Variants in KCNQ3 observed in about 807,000 individuals in gnomAD.
The protein encoded by KCNQ3 is potassium voltage-gated channel subfamily Q member 3, also known as potassium voltage-gated channel subfamily KQT member 3.
A neutral mutation model predicts 92.5 loss-of-function variants in KCNQ3; 30 were observed. That is an observed-to-expected ratio of 0.32 (90% CI 0.24 to 0.44). The LOEUF is 0.44. KCNQ3 is among the 20% of genes least tolerant of loss of function. The probability of loss-of-function intolerance (pLI) is 1.00; values close to 1 mark genes in which losing one functional copy is unlikely to be tolerated. For synonymous variants in KCNQ3, 450 were observed against 468.8 expected, an observed-to-expected ratio of 0.96 and a Z score of 0.52; for missense variants, 913 against 1,140.3, an observed-to-expected ratio of 0.80 and a Z score of 2.87.
rs1024413287 is a variant in KCNQ3 at position 132,379,166 on chromosome 8, C to G, written c.386+100981G>C. ...TTTATGTGTTCACTTTTTACCTTCT[C>G]TACACATCAATGAACAGAATCATAA... On this transcript the variant is annotated intron_variant, in intron 1 of 14. Coordinates refer to ENST00000388996, the MANE Select transcript of KCNQ3 (RefSeq NM_004519.4). Among the ~76,000 whole-genome samples, 3 of 152,290 alleles carry G rather than the reference C, an allele frequency of 2.0e-5. No homozygotes were observed. The East Asian group carries it at 5.8e-4, about 29-fold the overall frequency.
At chr8:132,178,931 T>C (rs1381569976) in intron 4 of KCNQ3, among the ~76,000 whole-genome samples, 1 of 149,132 alleles carries the variant, frequency 6.7e-6, no homozygotes, top group Non-Finnish European at 1.5e-5. Flanking sequence ...GAGGAAATGG[T>C]CATAGGGTTC....
At chr8:132,263,330 GC>G (rs1386641053) in intron 1 of KCNQ3, among the ~76,000 whole-genome samples, 1 of 152,190 alleles carries the variant, frequency 6.6e-6, no homozygotes, top group East Asian at 1.9e-4. Context: ...ACTTCCTGGA[GC>G]CTGAATCCCA....
At chr8:132,230,337 CAA>C (rs773634412) in intron 1 of KCNQ3, among the ~76,000 whole-genome samples, 7 of 151,914 alleles carry the variant, frequency 4.6e-5, no homozygotes, top group Non-Finnish European at 7.4e-5. Context: ...CCCACTAGAG[CAA>C]AGAGAAATCA....
chr8:132,373,863 A>G (rs1467800574), intron 1 of KCNQ3, among the ~76,000 whole-genome samples: 1 of 152,088 alleles, frequency 6.6e-6, no homozygotes, highest in Non-Finnish European at 1.5e-5. Context: ...TCACTCCTGC[A>G]CACTTTTTCC....
intron 1 of KCNQ3, among the ~76,000 whole-genome samples, chr8:132,287,251 A>AAGATGC (rs1209530272): frequency 6.6e-6 from 1 of 152,194 alleles, no homozygotes; most frequent in Non-Finnish European, 1.5e-5. Context: ...ATACACAAAT[A>AAGATGC]AGATGCCTTT....
chr8:132,235,610 G>A (rs1264127958), intron 1 of KCNQ3, among the ~76,000 whole-genome samples: 1 of 152,156 alleles, frequency 6.6e-6, no homozygotes, highest in Non-Finnish European at 1.5e-5. Flanking sequence ...ATTAATCCAG[G>A]AAATTCACTA....
At chr8:132,240,032 A>C (rs1814935333) in intron 1 of KCNQ3, among the ~76,000 whole-genome samples, 1 of 152,228 alleles carries the variant, frequency 6.6e-6, no homozygotes, top group South Asian at 2.1e-4. Context: ...CTAGGTCTAA[A>C]GGAAACTTTG....
At chr8:132,366,995 G>A (rs931224150) in intron 1 of KCNQ3, among the ~76,000 whole-genome samples, 2 of 151,972 alleles carry the variant, frequency 1.3e-5, no homozygotes, top group East Asian at 1.9e-4. Context: ...CTTATTTTTC[G>A]ATCTGAGCTG....
At chr8:132,219,915 G>A (rs1211836566) in intron 1 of KCNQ3, among the ~76,000 whole-genome samples, 1 of 150,904 alleles carries the variant, frequency 6.6e-6, no homozygotes, top group East Asian at 1.9e-4. Context: ...TGAGAAAAAT[G>A]AGTCCCAGAG....
At chr8:132,426,584 G>T (rs879516888) in intron 1 of KCNQ3, among the ~76,000 whole-genome samples, 1 of 152,200 alleles carries the variant, frequency 6.6e-6, no homozygotes, top group Non-Finnish European at 1.5e-5. Flanking sequence ...GGTGTCATAG[G>T]TGCAGCCAAT....
intron 1 of KCNQ3, among the ~76,000 whole-genome samples, chr8:132,333,017 T>TTGGA (rs3049635): frequency 0.095 from 14,205 of 149,880 alleles, 1,185 homozygotes; most frequent in African/African-American, 0.21. Context: ...GATGAATGGA[T>TTGGA]TGGATGGATG....
chr8:132,391,410 G>A (rs112711910), intron 1 of KCNQ3, among the ~76,000 whole-genome samples: 2,420 of 151,404 alleles, frequency 0.016, 58 homozygotes, highest in African/African-American at 0.056. Context: ...TTGGTGAGGC[G>A]ACGCCGAGAA....
chr8:132,185,088 C>T (rs1315375908), intron 2 of KCNQ3, among the ~76,000 whole-genome samples: 2 of 152,202 alleles, frequency 1.3e-5, no homozygotes, highest in Non-Finnish European at 2.9e-5. Flanking sequence ...GGCATTGCTG[C>T]TCCACGACAA....
At chr8:132,449,903 C>T (rs1439887889) in intron 1 of KCNQ3, among the ~76,000 whole-genome samples, 1 of 152,090 alleles carries the variant, frequency 6.6e-6, no homozygotes, top group Non-Finnish European at 1.5e-5. Context: ...CAAGTTCATG[C>T]CAGGCCATCA....
chr8:132,345,741 T>G (rs1454915574), intron 1 of KCNQ3, among the ~76,000 whole-genome samples: 3 of 152,190 alleles, frequency 2.0e-5, no homozygotes, highest in Admixed American at 2.0e-4. Context: ...CACAGAGCTG[T>G]GCACATAATA....
At chr8:132,199,858 C>A (rs566804224) in intron 1 of KCNQ3, among the ~76,000 whole-genome samples, 79 of 149,458 alleles carry the variant, frequency 5.3e-4, no homozygotes, top group Non-Finnish European at 9.5e-4. Context: ...TGGAGTGAGC[C>A]GAGATCGTGC....
intron 1 of KCNQ3, among the ~76,000 whole-genome samples, chr8:132,316,469 A>G (rs1211246146): frequency 6.6e-6 from 1 of 152,214 alleles, no homozygotes. Context: ...CTGATTTCTC[A>G]TTAGTAAAGC....
intron 1 of KCNQ3, among the ~76,000 whole-genome samples, chr8:132,199,361 A>G (rs1827392602): frequency 6.6e-6 from 1 of 152,222 alleles, no homozygotes; most frequent in African/African-American, 2.4e-5. Context: ...AAATTAGAGC[A>G]CAGTTGCAAT....
intron 1 of KCNQ3, among the ~76,000 whole-genome samples, chr8:132,261,296 A>G (rs1056649996): frequency 3.3e-5 from 5 of 152,186 alleles, no homozygotes; most frequent in Non-Finnish European, 7.3e-5. Flanking sequence ...TTCCTGGTGC[A>G]GCTGCCTTCA....
Sources: gnomAD v4.1 joint callset for allele counts (sites outside exome capture counted in the v4.1 genomes callset) on GRCh38, gnomAD v4.1.1 for gene constraint, MANE v1.5 for transcripts, NCBI Gene and HGNC (gene_info 2026-07-23, HGNC 2026-07-21) for gene names.